The following CARMIL1 variants were observed in gnomAD, a reference collection of about 807,000 sequenced individuals.
The protein encoded by CARMIL1 is F-actin-uncapping protein LRRC16A.
Under a neutral mutation model 177.1 loss-of-function variants are expected in CARMIL1, and 90 were observed. The ratio of observed to expected loss-of-function variants is 0.51; its 90% CI spans 0.43 to 0.61. CARMIL1 has a LOEUF of 0.61. CARMIL1 is among the 20% of genes least tolerant of loss of function. The probability of loss-of-function intolerance (pLI) is 0.00; values close to 1 mark genes in which losing one functional copy is unlikely to be tolerated. For synonymous variants in CARMIL1, 577 were observed against 606.2 expected (o/e 0.95, Z 0.71); for missense variants, 1,380 against 1,667.0 (o/e 0.83, Z 3.00).
At chr6:25,355,557 C>A (rs1307014458) in intron 2 of CARMIL1, among the ~76,000 whole-genome samples, 1 of 152,100 alleles carries the variant, frequency 6.6e-6, no homozygotes, top group Non-Finnish European at 1.5e-5. Flanking sequence ...TTGCGTAGTC[C>A]CAGCTACTCT....
chr6:25,520,326 G>C lies in CARMIL1; in HGVS notation c.1957G>C (p.Ala653Pro). 1 of 1,539,886 alleles carries C rather than the reference G, an allele frequency of 6.5e-7. No homozygotes were observed. Among genetic ancestry groups the C allele is most frequent in the East Asian group, 2.4e-5 (1 of 41,554 alleles). Residue 653 changes from alanine (A) to proline (P), a missense_variant, in exon 23 of 37, where the codon GCT becomes CCT. Coordinates refer to ENST00000329474, the MANE Select transcript of CARMIL1 (RefSeq NM_017640.6). ...AACAAACCCTGAAAAAACAGAAGAC[G>C]CTCTGCAAAAGGTATTAAAGAATCA... Reference protein sequence around the residue: ...LKTNPEKTEDALQKIENYLLR... With the variant: ...LKTNPEKTEDPLQKIENYLLR...
intron 2 of CARMIL1, among the ~76,000 whole-genome samples, chr6:25,378,510 C>T (rs953836342): frequency 6.6e-6 from 1 of 152,176 alleles, no homozygotes; most frequent in African/African-American, 2.4e-5. Context: ...GGCTGACTTC[C>T]ACAAGGTCCC....
At chr6:25,556,610 C>T in intron 28 of CARMIL1, 91 bp from the exon 29 acceptor site, 2 of 1,222,964 alleles carry the variant, frequency 1.6e-6, no homozygotes, top group South Asian at 1.5e-5. Flanking sequence ...TGCTCCACTG[C>T]GCCATCTTGT....
At chr6:25,350,541 C>T (rs1250674582) in intron 2 of CARMIL1, 1 of 152,076 alleles carries the variant, frequency 6.6e-6, no homozygotes, top group Non-Finnish European at 1.5e-5. Context: ...CGCCTGGGTT[C>T]CTGTGGGCAT....
chr6:25,345,069 C>G (rs1787360746), intron 2 of CARMIL1, among the ~76,000 whole-genome samples: 1 of 152,164 alleles, frequency 6.6e-6, no homozygotes, highest in Non-Finnish European at 1.5e-5. Flanking sequence ...GAGCCCATCA[C>G]AGTCAAGTTT....
rs1562208924 is a variant in CARMIL1 at position 25,490,746 on chromosome 6, TAAATAAAAAA to T, written c.1066-978_1066-969del. ...ATAAATAAATAAATAAATAAATAAA[TAAATAAAAAA>T]AAATAAATGTCATTCTGTGTGTATG... On this transcript the variant is annotated intron_variant, in intron 13 of 36. Transcript: ENST00000329474. 6.9e-5 allele frequency among the ~76,000 whole-genome samples: 6 copies of T among 86,838 alleles called. No homozygotes were observed. In the East Asian group the frequency reaches 1.6e-3, roughly 23 times the overall value. 57.0% of individuals were successfully genotyped at this position (86,838 alleles called of 152,430 possible).
At position 25,464,987 on chromosome 6, in the gene CARMIL1, A is replaced by ACATGGTC. The variant is rs1438279711; in HGVS notation, c.615-885_615-879dup. Among the ~76,000 whole-genome samples the ACATGGTC allele has an allele frequency of 4.0e-5, 6 of 151,482 alleles. 1 individual carries two copies. Among genetic ancestry groups the ACATGGTC allele is most frequent in the South Asian group, 4.2e-4 (2 of 4,778 alleles). On this transcript the variant is annotated intron_variant, in intron 8 of 36. Transcript: ENST00000329474. Reference sequence around the variant, plus strand: ...GAACTGTCATGCAGATAGCTTCACTACATGGTCAAAGAGCTGATATGAAGC... The same window carrying ACATGGTC: ...GAACTGTCATGCAGATAGCTTCACTACATGGTCCATGGTCAAAGAGCTGATATGAAGC...
At chr6:25,288,872 G>A (rs1165873576) in intron 2 of CARMIL1, among the ~76,000 whole-genome samples, 1 of 152,192 alleles carries the variant, frequency 6.6e-6, no homozygotes, top group Non-Finnish European at 1.5e-5. Flanking sequence ...TGGGGCAGGA[G>A]TGTTCTATTC....
At chr6:25,586,137 G>T (rs1013920419) in intron 31 of CARMIL1, among the ~76,000 whole-genome samples, 2 of 148,056 alleles carry the variant, frequency 1.4e-5, no homozygotes, top group Non-Finnish European at 3.0e-5. Flanking sequence ...CCGGGCGGGG[G>T]GTTGCCCCCC....
rs1045892044 is a variant in CARMIL1, at chr6:25,563,542, C to T, written c.2742+6692C>T. On this transcript the variant is annotated intron_variant, in intron 29 of 36. Coordinates refer to ENST00000329474, the MANE Select transcript of CARMIL1 (RefSeq NM_017640.6). ...GGTGGCTGCTGGCTCTCAACAGAGC[C>T]CAGAGGAGGAGGCAGTTGTACTTGA... 3.0e-6 allele frequency: 3 copies of T among 985,108 alleles called. No homozygotes were observed. The African/African-American group carries it at 5.2e-5, about 17-fold the overall frequency. 61.0% of individuals were successfully genotyped at this position (985,108 alleles called of 1,614,324 possible).
At chr6:25,364,448 C>T (rs1789552382) in intron 2 of CARMIL1, among the ~76,000 whole-genome samples, 1 of 152,180 alleles carries the variant, frequency 6.6e-6, no homozygotes, top group Non-Finnish European at 1.5e-5. Flanking sequence ...TTTAAGTAGT[C>T]TCTATAAATG....
intron 29 of CARMIL1, chr6:25,563,755 G>C: frequency 1.0e-6 from 1 of 985,424 alleles, no homozygotes; most frequent in Non-Finnish European, 1.2e-6. Context: ...ACATTGAGGG[G>C]AAGAAGTGGC....
At chr6:25,299,939 C>T (rs1056931178) in intron 2 of CARMIL1, among the ~76,000 whole-genome samples, 4 of 149,618 alleles carry the variant, frequency 2.7e-5, no homozygotes, top group Non-Finnish European at 4.4e-5. Context: ...GATTGTGCCA[C>T]TGCACTCCAG....
At position 25,490,698 on chromosome 6, in the gene CARMIL1, A is replaced by AAAAT. The variant is rs199709831; in HGVS notation, c.1066-982_1066-979dup. Among the ~76,000 whole-genome samples the AAAAT allele has an allele frequency of 7.2e-3, 896 of 125,038 alleles. 12 individuals are homozygous for AAAAT. The highest frequency in any genetic ancestry group is 0.016 in the Middle Eastern group (4 of 248). 82.0% of individuals were successfully genotyped at this position (125,038 alleles called of 152,430 possible). The stretch of plus-strand genomic sequence containing the variant: ...GGGCGATAGAGCCAGACCCTGTCTT[A>AAAAT]AAATAAATAAATAAATAAATAAATA... On this transcript the variant is annotated intron_variant, in intron 13 of 36. Coordinates refer to ENST00000329474, the MANE Select transcript of CARMIL1 (RefSeq NM_017640.6).
chr6:25,425,654 A>G (rs1271840788), intron 3 of CARMIL1, among the ~76,000 whole-genome samples: 1 of 152,196 alleles, frequency 6.6e-6, no homozygotes, highest in Non-Finnish European at 1.5e-5. Context: ...TTTATCAGGA[A>G]AAACAGGTAG....
chr6:25,323,793 A>G lies in CARMIL1; in HGVS notation c.138+38884A>G, dbSNP rs117622829. ...TCCATTCATCATCTTCACATTCCCC[A>G]CTGTGCAAAGCACAGTTTGCTCATT... On this transcript the variant is annotated intron_variant, in intron 2 of 36. Transcript: ENST00000329474. Among the ~76,000 whole-genome samples the G allele has an allele frequency of 2.3e-3, 352 of 152,236 alleles. 8 individuals are homozygous for G. In the East Asian group the frequency reaches 0.063, roughly 27 times the overall value.
intron 29 of CARMIL1, among the ~76,000 whole-genome samples, chr6:25,578,740 A>C (rs749250278): frequency 2.5e-4 from 38 of 152,208 alleles, no homozygotes; most frequent in Non-Finnish European, 4.4e-4. Flanking sequence ...CTCTGTGCCA[A>C]AACTTCAGAA....
chr6:25,282,734 G>A (rs1781236475), intron 1 of CARMIL1, among the ~76,000 whole-genome samples: 1 of 152,082 alleles, frequency 6.6e-6, no homozygotes, highest in Non-Finnish European at 1.5e-5. Context: ...TTGGAAACCA[G>A]TGATCTTATT....
At chr6:25,353,244 C>T (rs1788281103) in intron 2 of CARMIL1, among the ~76,000 whole-genome samples, 1 of 152,148 alleles carries the variant, frequency 6.6e-6, no homozygotes, top group Admixed American at 6.5e-5. Context: ...GTGCTAGATG[C>T]TCTTGTAATT....
Sources: allele counts gnomAD v4.1 joint callset (sites outside exome capture counted in the v4.1 genomes callset), GRCh38; gene constraint gnomAD v4.1.1; transcripts MANE v1.5; gene names NCBI Gene and HGNC (gene_info 2026-07-23, HGNC 2026-07-21).